Variants in CAST observed in about 807,000 individuals in gnomAD.
CAST encodes calpastatin, also known as MIR583 host.
In CAST, 76 loss-of-function variants were observed where a neutral mutation model predicts 119.6. The observed-to-expected ratio is 0.64, with a 90% confidence interval of 0.53 to 0.77. The LOEUF (loss-of-function observed/expected upper bound fraction) is 0.77. CAST is among the 30% of genes least tolerant of loss of function. The probability of loss-of-function intolerance (pLI) is 0.00; values close to 1 mark genes in which losing one functional copy is unlikely to be tolerated. For synonymous variants in CAST, 319 were observed against 331.6 expected (o/e 0.96, Z 0.41); for missense variants, 953 against 946.5 (o/e 1.01, Z -0.09).
chr5:96,456,431 C>T, the CAST span, among the ~76,000 whole-genome samples: 1 of 152,138 alleles, frequency 6.6e-6, no homozygotes, highest in Non-Finnish European at 1.5e-5. Context: ...TATACAGTTA[C>T]AGTAATATAT....
intron 24 of CAST, among the ~76,000 whole-genome samples, chr5:96,759,916 A>G (rs1435416882): frequency 6.6e-6 from 1 of 152,034 alleles, no homozygotes; most frequent in Non-Finnish European, 1.5e-5. Flanking sequence ...CAAATAAATT[A>G]TTAGGAAACA....
intron 1 of CAST, among the ~76,000 whole-genome samples, chr5:96,617,883 T>A (rs1747501621): frequency 6.7e-6 from 1 of 149,720 alleles, no homozygotes; most frequent in Non-Finnish European, 1.5e-5. Flanking sequence ...TTCTAATTTT[T>A]TAAGCAGTTC....
the CAST span, chr5:96,400,236 T>G: frequency 3.0e-6 from 4 of 1,324,452 alleles, no homozygotes; most frequent in Non-Finnish European, 4.4e-6. Flanking sequence ...TGAAGTTTCC[T>G]TGCAAAAGCA....
At chr5:96,044,060 A>T in the CAST span, among the ~76,000 whole-genome samples, 1 of 152,282 alleles carries the variant, frequency 6.6e-6, no homozygotes, top group Non-Finnish European at 1.5e-5. Flanking sequence ...CAGTGAAAAC[A>T]GTGGGAAATA....
the CAST span, among the ~76,000 whole-genome samples, chr5:96,273,630 TA>T: frequency 6.6e-6 from 1 of 152,248 alleles, no homozygotes; most frequent in Non-Finnish European, 1.5e-5. Flanking sequence ...ATGTAAGATT[TA>T]AACTGATCCC....
chr5:96,246,359 G>A, the CAST span, among the ~76,000 whole-genome samples: 9 of 151,764 alleles, frequency 5.9e-5, no homozygotes, highest in Admixed American at 3.3e-4. Flanking sequence ...ATTTCTTTTT[G>A]TATTTTCAGT....
At chr5:96,659,052 G>C (rs1389603410), upstream of CAST, among the ~76,000 whole-genome samples, 1 of 152,174 alleles carries the variant, frequency 6.6e-6, no homozygotes, top group Non-Finnish European at 1.5e-5. Context: ...CAGCCAGTTG[G>C]TGGAGCAGTC....
chr5:96,081,253 A>G, the CAST span, among the ~76,000 whole-genome samples: 3 of 152,188 alleles, frequency 2.0e-5, no homozygotes, highest in East Asian at 3.9e-4. Flanking sequence ...GCCAAGAGGT[A>G]TGTGAAATCT....
intron 16 of CAST, 38 bp downstream of exon 16, chr5:96,742,794 C>G (rs202122232): frequency 2.3e-5 from 32 of 1,418,052 alleles, no homozygotes; most frequent in Non-Finnish European, 2.9e-5. Context: ...GCTTGTTAGT[C>G]TGCACATTAC....
the CAST span, among the ~76,000 whole-genome samples, chr5:96,044,107 A>G: frequency 1.3e-5 from 2 of 152,198 alleles, no homozygotes; most frequent in African/African-American, 4.8e-5. Context: ...GCTTAGAAAA[A>G]CACATATATT....
intron 19 of CAST, among the ~76,000 whole-genome samples, chr5:96,749,023 C>A (rs1339507174): frequency 6.6e-6 from 1 of 151,874 alleles, no homozygotes; most frequent in African/African-American, 2.4e-5. Flanking sequence ...CCCATCCCTA[C>A]AAAAAAAAGT....
upstream of CAST, among the ~76,000 whole-genome samples, chr5:96,661,257 T>TAAAAA (rs59810319): frequency 8.8e-5 from 6 of 67,956 alleles, no homozygotes; most frequent in African/African-American, 3.2e-4. Flanking sequence ...TCTCTACCAT[T>TAAAAA]AAAAAAAAAA....
intron 1 of CAST, among the ~76,000 whole-genome samples, chr5:96,554,486 TAGGCATGGGCAA>T: frequency 6.6e-6 from 1 of 152,310 alleles, no homozygotes; most frequent in African/African-American, 2.4e-5. Context: ...ATTCAGGACA[TAGGCATGGGCAA>T]AGACTTCATG....
intron 24 of CAST, among the ~76,000 whole-genome samples, chr5:96,759,906 CAAAT>C (rs1414347329): frequency 2.0e-5 from 3 of 151,704 alleles, no homozygotes; most frequent in Admixed American, 1.3e-4. Context: ...GTACAGAGCA[CAAAT>C]AAATTATTAG....
At chr5:96,744,871 T>C (rs1423176827) in intron 16 of CAST, among the ~76,000 whole-genome samples, 1 of 152,182 alleles carries the variant, frequency 6.6e-6, no homozygotes, top group African/African-American at 2.4e-5. Context: ...TACCATAACA[T>C]AAAATAAAAG....
At chr5:95,971,101 C>G in the CAST span, among the ~76,000 whole-genome samples, 5 of 152,102 alleles carry the variant, frequency 3.3e-5, no homozygotes, top group African/African-American at 1.2e-4. Flanking sequence ...AGCCAAGCAT[C>G]ATGATTTAGC....
chr5:96,201,057 G>A, the CAST span, among the ~76,000 whole-genome samples: 2 of 152,058 alleles, frequency 1.3e-5, no homozygotes, highest in African/African-American at 4.8e-5. Context: ...GATATCCAAA[G>A]TATTTTTGAG....
chr5:96,132,981 G>A, the CAST span, among the ~76,000 whole-genome samples: 1 of 152,134 alleles, frequency 6.6e-6, no homozygotes, highest in African/African-American at 2.4e-5. Flanking sequence ...TCAGATTAGA[G>A]CTTCAGAAAT....
the CAST span, among the ~76,000 whole-genome samples, chr5:96,371,861 A>G: frequency 6.6e-6 from 1 of 152,222 alleles, no homozygotes; most frequent in Non-Finnish European, 1.5e-5. Flanking sequence ...AGGATTTATG[A>G]CCATTACAGA....
Sources: gnomAD v4.1 joint callset for allele counts (sites outside exome capture counted in the v4.1 genomes callset) on GRCh38, gnomAD v4.1.1 for gene constraint, MANE v1.5 for transcripts, NCBI Gene and HGNC (gene_info 2026-07-23, HGNC 2026-07-21) for gene names.